The following LTBP2 variants were observed in gnomAD, a reference collection of about 807,000 sequenced individuals.
LTBP2 encodes the protein latent transforming growth factor beta binding protein 2, also known as latent-transforming growth factor beta-binding protein 2.
In LTBP2, 103 loss-of-function variants were observed where a neutral mutation model predicts 210.6. The ratio of observed to expected loss-of-function variants is 0.49; its 90% confidence interval spans 0.42 to 0.58. The LOEUF is 0.58. Ranked by LOEUF, LTBP2 falls within the 20% of genes least tolerant of loss-of-function variation. LTBP2 has a pLI of 0.00. For synonymous variants in LTBP2, 1,007 were observed against 1,015.0 expected (o/e 0.99, Z 0.15); for missense variants, 2,313 against 2,494.5 (o/e 0.93, Z 1.55).
chr14:74,611,847 C>A lies in LTBP2; in HGVS notation c.98G>T (p.Gly33Val), dbSNP rs985209487. 3 of 1,611,184 alleles carry A rather than the reference C, an allele frequency of 1.9e-6. No individual in the cohort carries two copies. The highest frequency in any genetic ancestry group is 3.3e-5 in the Admixed American group (2 of 59,970). The change falls in exon 1 of 36, where the codon GGT becomes GTT. Residue 33 changes from glycine (G) to valine (V), a missense_variant. Around this residue, in one of 3 missense-constraint regions of LTBP2, gnomAD observed 1,867 missense variants for 1,976.9 expected, o/e 0.94. Coordinates refer to ENST00000261978, the MANE Select transcript of LTBP2 (RefSeq NM_000428.3). Reference protein sequence around the residue: ...PLTLALFVGAGHAQRDPVGRY... With the variant: ...PLTLALFVGAVHAQRDPVGRY... Reference sequence around the variant, plus strand: ...CCCTACGGGGTCCCTTTGGGCATGACCCGCGCCCACGAAGAGAGCCAGGGT... The same window carrying A: ...CCCTACGGGGTCCCTTTGGGCATGAACCGCGCCCACGAAGAGAGCCAGGGT...
intron 1 of LTBP2, among the ~76,000 whole-genome samples, chr14:74,606,863 A>G (rs561394630): frequency 3.3e-5 from 5 of 152,082 alleles, no homozygotes; most frequent in African/African-American, 1.2e-4. Flanking sequence ...CAAACAAAAA[A>G]AAAAAACCCA....
rs749807504 is a variant in LTBP2 at position 74,502,727 on chromosome 14, G to A, written c.5096C>T (p.Ala1699Val). 18 of 1,614,098 alleles carry A rather than the reference G, an allele frequency of 1.1e-5. No homozygotes were observed. Among genetic ancestry groups the A allele is most frequent in the South Asian group, 3.3e-5 (3 of 91,094 alleles). ...PAFPNTAGHS[A>V]DRTPILESPL... ...AGACTCAAGGATGGGTGTGCGGTCC[G>A]CTGAGTGACCGGCTGTGTTGGGGAA... The change falls in exon 34 of 36, where the codon GCG (alanine) becomes GTG (valine). Residue 1699 changes from alanine (A) to valine (V), a missense_variant. Ala to Val is a moderately conservative substitution (Grantham distance 64, BLOSUM62 0). Transcript: ENST00000261978.
At chr14:74,592,725 T>C (rs573129585) in intron 2 of LTBP2, among the ~76,000 whole-genome samples, 2 of 152,266 alleles carry the variant, frequency 1.3e-5, no homozygotes, top group African/African-American at 4.8e-5. Flanking sequence ...ATGGGTTATG[T>C]GGTTCTAATG....
At chr14:74,540,830 A>ATATTATATATATATATATT in intron 8 of LTBP2, among the ~76,000 whole-genome samples, 1 of 68,634 alleles carries the variant, frequency 1.5e-5, no homozygotes, top group Non-Finnish European at 2.9e-5. Flanking sequence ...ATTTTTATAT[A>ATATTATATATATATATATT]ATATATATTT....
chr14:74,564,335 A>T lies in LTBP2; in HGVS notation c.831-8642T>A, dbSNP rs867500536. Among the ~76,000 whole-genome samples, 45 of 8,262 alleles carry T rather than the reference A, an allele frequency of 5.4e-3. 1 individual carries two copies. The highest frequency in any genetic ancestry group is 0.014 in the African/African-American group (26 of 1,840). The allele number at this position is 8,262 out of a possible 152,430, so 5.4% of individuals were successfully genotyped here. ...TATATATATTTATATATATATTTATATATATATATTTATATATATTTATAT... is the reference window on the plus strand; with the variant it reads ...TATATATATTTATATATATATTTATTTATATATATTTATATATATTTATAT... On this transcript the variant is annotated intron_variant, in intron 3 of 35. Coordinates refer to ENST00000261978, the MANE Select transcript of LTBP2 (RefSeq NM_000428.3).
rs1193925720 is a variant in LTBP2 at position 74,550,490 on chromosome 14, G to A, written c.1687-525C>T. Among the ~76,000 whole-genome samples, 9 of 152,162 alleles carry A rather than the reference G, an allele frequency of 5.9e-5. No individual in the cohort carries two copies. In the East Asian group the frequency reaches 1.7e-3, roughly 29 times the overall value. On this transcript the variant is annotated intron_variant, in intron 7 of 35. Coordinates refer to ENST00000261978, the MANE Select transcript of LTBP2 (RefSeq NM_000428.3). ...GTTTCTGGAAACTAAGCGGTTTCCT[G>A]GCAACCCCAAGAAAAACCATACTGG...
At chr14:74,579,057 A>G (rs1377967624) in intron 3 of LTBP2, among the ~76,000 whole-genome samples, 2 of 152,118 alleles carry the variant, frequency 1.3e-5, no homozygotes, top group African/African-American at 4.8e-5. Context: ...GGGTTTCGCC[A>G]TGTTGGCCAG....
Position 74,500,671 on chromosome 14 carries a change from A to T in LTBP2, c.*213T>A, listed in dbSNP as rs2086898417. The T allele has an allele frequency of 1.6e-6, 1 of 639,620 alleles. No individual in the cohort carries two copies. Among genetic ancestry groups the T allele is most frequent in the African/African-American group, 1.8e-5 (1 of 55,448 alleles). The allele number at this position is 639,620 out of a possible 1,614,324, so 39.6% of individuals were successfully genotyped here. ...CCTCATGCGGTGGCTGAAGCATTAA[A>T]GCGATTGGTGGTGCTTGAGCCAAGC... On this transcript the variant is annotated 3_prime_UTR_variant, in exon 36 of 36. Coordinates refer to ENST00000261978, the MANE Select transcript of LTBP2 (RefSeq NM_000428.3).
At chr14:74,592,243 C>G (rs2088292571) in intron 2 of LTBP2, among the ~76,000 whole-genome samples, 1 of 152,234 alleles carries the variant, frequency 6.6e-6, no homozygotes, top group South Asian at 2.1e-4. Context: ...GAAGGAAACG[C>G]TGAGGTCCCA....
At chr14:74,576,363 T>G (rs903227819) in intron 3 of LTBP2, among the ~76,000 whole-genome samples, 1 of 152,178 alleles carries the variant, frequency 6.6e-6, no homozygotes, top group African/African-American at 2.4e-5. Flanking sequence ...GAGCTTGGGA[T>G]ATGTCAGTGA....
rs150880188 is a variant in LTBP2, at chr14:74,589,609, T to A, written c.566-3491A>T. Among the ~76,000 whole-genome samples the A allele has an allele frequency of 1.9e-3, 289 of 152,266 alleles. 1 individual carries two copies. The highest frequency in any genetic ancestry group is 3.2e-3 in the Non-Finnish European group (217 of 68,022). Reference sequence around the variant, plus strand: ...ACACAAACTGCCACCACGGCAGGATTTTGGCCTGGCCACCCCTCCATCTGC... The same window carrying A: ...ACACAAACTGCCACCACGGCAGGATATTGGCCTGGCCACCCCTCCATCTGC... On this transcript the variant is annotated intron_variant, in intron 2 of 35. Transcript: ENST00000261978.
chr14:74,580,699 C>T (rs1233170374), intron 3 of LTBP2, among the ~76,000 whole-genome samples: 1 of 152,192 alleles, frequency 6.6e-6, no homozygotes, highest in Non-Finnish European at 1.5e-5. Context: ...TGCAGTGGCT[C>T]ACGCCTGTAA....
chr14:74,528,785 C>T (rs762515982), intron 11 of LTBP2, 87 bp from the exon 12 acceptor site: 736 of 1,543,814 alleles, frequency 4.8e-4, no homozygotes, highest in Non-Finnish European at 5.9e-4. Flanking sequence ...TTGGGAGACA[C>T]GGCAATTGTG....
intron 8 of LTBP2, among the ~76,000 whole-genome samples, chr14:74,541,269 A>G (rs1266588949): frequency 6.6e-6 from 1 of 152,074 alleles, no homozygotes; most frequent in Admixed American, 6.5e-5. Flanking sequence ...ATTCTTCTTC[A>G]TCACTGTTAT....
At chr14:74,530,912 G>A (rs535380371) in intron 10 of LTBP2, among the ~76,000 whole-genome samples, 8 of 152,354 alleles carry the variant, frequency 5.3e-5, no homozygotes, top group South Asian at 2.1e-4. Context: ...TGGTATTGTC[G>A]TGGAGATTAA....
intron 13 of LTBP2, 116 bp from the exon 14 acceptor site, chr14:74,526,230 T>C (rs886979950): frequency 2.9e-6 from 3 of 1,020,114 alleles, no homozygotes; most frequent in Non-Finnish European, 4.5e-6. Context: ...ATTCATGTTT[T>C]CATTCATTCC....
At chr14:74,594,234 C>T (rs555239023) in intron 2 of LTBP2, among the ~76,000 whole-genome samples, 164 of 152,296 alleles carry the variant, frequency 1.1e-3, no homozygotes, top group South Asian at 3.9e-3. Context: ...CCGGGCAAGG[C>T]GTTTGTCATC....
intron 2 of LTBP2, among the ~76,000 whole-genome samples, chr14:74,592,964 G>A (rs1481412914): frequency 2.0e-5 from 3 of 152,020 alleles, no homozygotes; most frequent in Non-Finnish European, 4.4e-5. Context: ...CACCCCCCTG[G>A]CCCGCTCTTC....
chr14:74,507,438 C>G, intron 25 of LTBP2, 128 bp from the exon 26 acceptor site: 1 of 1,291,518 alleles, frequency 7.7e-7, no homozygotes, highest in Non-Finnish European at 1.1e-6. Context: ...ATCCCAACCC[C>G]AGCACATCAA....
Sources: gnomAD v4.1 joint callset for allele counts (sites outside exome capture counted in the v4.1 genomes callset) on GRCh38, gnomAD v4.1.1 for gene constraint, gnomAD v4.1.1 regional missense constraint, MANE v1.5 for transcripts, NCBI Gene and HGNC (gene_info 2026-07-23, HGNC 2026-07-21) for gene names.